LRRC49: variants seen among roughly 807,000 people sequenced by gnomAD.
LRRC49 encodes leucine-rich repeat-containing protein 49.
A neutral mutation model predicts 83.3 loss-of-function variants in LRRC49; 50 were observed. That is an observed-to-expected ratio of 0.60 (90% CI 0.48 to 0.76). The LOEUF is 0.76. LRRC49 is among the 30% of genes least tolerant of loss of function. The pLI is 0.00. For synonymous variants in LRRC49, 286 were observed against 283.3 expected, an observed-to-expected ratio of 1.01 and a Z score of -0.10; for missense variants, 704 against 809.1, an observed-to-expected ratio of 0.87 and a Z score of 1.58.
chr15:70,918,113 G>A (rs1172255782), intron 6 of LRRC49: 1 of 152,396 alleles, frequency 6.6e-6, no homozygotes. Context: ...CTCGCAGAGA[G>A]CTGGTGCCTG....
chr15:70,904,530 A>G (rs1304557710), intron 4 of LRRC49, 22 bp from the exon 5 acceptor site: 6 of 1,533,878 alleles, frequency 3.9e-6, no homozygotes, highest in African/African-American at 1.4e-5. Flanking sequence ...TAACCTAATT[A>G]ACTTTTTAAC....
intron 9 of LRRC49, among the ~76,000 whole-genome samples, chr15:70,970,607 C>A (rs1282938507): frequency 6.6e-6 from 1 of 152,136 alleles, no homozygotes; most frequent in East Asian, 1.9e-4. Context: ...GTGAATCCAT[C>A]TGGTCCTGGG....
At chr15:70,909,895 A>G (rs758369214) in intron 5 of LRRC49, among the ~76,000 whole-genome samples, 33 of 148,918 alleles carry the variant, frequency 2.2e-4, no homozygotes, top group African/African-American at 7.6e-4. Flanking sequence ...ACAAAAAAAG[A>G]AAGTTGTAGC....
intron 2 of LRRC49, among the ~76,000 whole-genome samples, chr15:70,874,491 C>T (rs2033112915): frequency 6.6e-6 from 1 of 152,122 alleles, no homozygotes; most frequent in South Asian, 2.1e-4. Flanking sequence ...AGTTGGGGAA[C>T]ATTTAAAGAG....
upstream of LRRC49, chr15:70,892,299 C>G (rs746589137): frequency 3.0e-5 from 46 of 1,551,278 alleles, no homozygotes; most frequent in East Asian, 5.4e-4. Flanking sequence ...GCGCGGGAGC[C>G]GGGTTCCCTG....
At chr15:70,964,346 A>G (rs566093416) in intron 9 of LRRC49, among the ~76,000 whole-genome samples, 79 of 152,224 alleles carry the variant, frequency 5.2e-4, no homozygotes, top group African/African-American at 1.8e-3. Context: ...TAATCTTTGT[A>G]TACCTCATTT....
intron 1 of LRRC49, among the ~76,000 whole-genome samples, chr15:70,869,197 A>G (rs375435191): frequency 6.6e-6 from 1 of 152,352 alleles, no homozygotes; most frequent in African/African-American, 2.4e-5. Context: ...ATCATTTATC[A>G]ACTATATAAT....
intron 14 of LRRC49, among the ~76,000 whole-genome samples, chr15:71,018,483 G>T (rs1256952760): frequency 6.6e-6 from 1 of 152,120 alleles, no homozygotes; most frequent in Non-Finnish European, 1.5e-5. Flanking sequence ...GTTTTGGGGA[G>T]CTGGTAAGGT....
intron 13 of LRRC49, among the ~76,000 whole-genome samples, chr15:71,011,993 A>T (rs1348930822): frequency 6.6e-6 from 1 of 152,114 alleles, no homozygotes; most frequent in Admixed American, 6.6e-5. Flanking sequence ...GCATTGTGAC[A>T]TGTTTAACAG....
chr15:70,867,946 T>G (rs181508569), intron 1 of LRRC49, among the ~76,000 whole-genome samples: 163 of 152,294 alleles, frequency 1.1e-3, no homozygotes, highest in African/African-American at 3.7e-3. Flanking sequence ...GTCATCTCTA[T>G]TTTGACACAT....
At chr15:70,893,125 A>G (rs2141095882) in intron 1 of LRRC49, 183 bp downstream of exon 1, 1 of 664,168 alleles carries the variant, frequency 1.5e-6, no homozygotes, top group East Asian at 2.7e-5. Flanking sequence ...TATGATGGGT[A>G]CTCAAAGTCT....
At chr15:70,892,083 CA>C (rs36048767), upstream of LRRC49, 8 of 1,613,844 alleles carry the variant, frequency 5.0e-6, no homozygotes, top group Non-Finnish European at 4.2e-6. Context: ...GAAGAGACGT[CA>C]AAACAGGCTG....
chr15:70,992,029 G>C (rs1021136384), intron 11 of LRRC49, among the ~76,000 whole-genome samples: 2 of 152,174 alleles, frequency 1.3e-5, no homozygotes, highest in African/African-American at 4.8e-5. Context: ...GACCTTGTCA[G>C]CTCTTTCAGC....
intron 1 of LRRC49, 173 bp downstream of exon 1, chr15:70,893,115 T>A: frequency 1.5e-6 from 1 of 689,580 alleles, no homozygotes; most frequent in Non-Finnish European, 2.6e-6. Context: ...TTTAATATTG[T>A]ATGATGGGTA....
At chr15:70,860,348 A>G (rs2032759483) in intron 1 of LRRC49, among the ~76,000 whole-genome samples, 1 of 152,176 alleles carries the variant, frequency 6.6e-6, no homozygotes, top group Non-Finnish European at 1.5e-5. Context: ...GCTACAAAAC[A>G]ATTCAATTGC....
chr15:70,870,471 A>T (rs2033002446), intron 1 of LRRC49, among the ~76,000 whole-genome samples: 1 of 152,186 alleles, frequency 6.6e-6, no homozygotes, highest in Non-Finnish European at 1.5e-5. Flanking sequence ...TGGTATAAGC[A>T]GTAGGTAATT....
At chr15:70,928,750 A>G (rs1238675632) in intron 7 of LRRC49, among the ~76,000 whole-genome samples, 2 of 152,144 alleles carry the variant, frequency 1.3e-5, no homozygotes, top group Admixed American at 1.3e-4. Context: ...TTTTTAGTAG[A>G]AATGGGGTTT....
chr15:70,929,917 C>G (rs551549912), intron 7 of LRRC49, among the ~76,000 whole-genome samples: 1 of 152,280 alleles, frequency 6.6e-6, no homozygotes, highest in East Asian at 1.9e-4. Flanking sequence ...TTCTTTTGCC[C>G]TTTCTACCAC....
At chr15:70,857,151 A>G (rs963902072) in intron 1 of LRRC49, among the ~76,000 whole-genome samples, 2 of 152,180 alleles carry the variant, frequency 1.3e-5, no homozygotes, top group Admixed American at 6.5e-5. Flanking sequence ...GGATGAAACA[A>G]AAGGAAGCAC....
Sources: gnomAD v4.1 joint callset for allele counts (sites outside exome capture counted in the v4.1 genomes callset) on GRCh38, gnomAD v4.1.1 for gene constraint, MANE v1.5 for transcripts, NCBI Gene and HGNC (gene_info 2026-07-23, HGNC 2026-07-21) for gene names.